EYS: variants seen among roughly 807,000 people sequenced by gnomAD.
EYS encodes the protein EGF-like photoreceptor maintenance factor.
In EYS, 250 loss-of-function variants were observed where a neutral mutation model predicts 282.1. That is an observed-to-expected ratio of 0.89 (90% CI 0.80 to 0.98). The LOEUF (loss-of-function observed/expected upper bound fraction) is 0.98, where lower values mean the gene tolerates loss of function less well. Among genes scored for constraint, EYS ranks in the 50% least tolerant of loss-of-function variants. The pLI, the probability that EYS is intolerant of heterozygous loss-of-function variation, is 0.00. For missense variants in EYS, 4,016 were observed against 3,709.0 expected (o/e 1.08, Z -2.15); for synonymous variants, 1,355 against 1,282.9 (o/e 1.06, Z -1.20).
chr6:65,005,426 C>T (rs1771612308), intron 13 of EYS, among the ~76,000 whole-genome samples: 1 of 147,586 alleles, frequency 6.8e-6, no homozygotes, highest in Non-Finnish European at 1.5e-5. Flanking sequence ...GAACACAAGG[C>T]TTGCCACCAT....
intron 26 of EYS, among the ~76,000 whole-genome samples, chr6:64,464,012 G>A (rs749519309): frequency 3.3e-5 from 5 of 152,054 alleles, no homozygotes; most frequent in Non-Finnish European, 5.9e-5. Flanking sequence ...ACAGACCAAC[G>A]TCCTTGAAAC....
intron 11 of EYS, among the ~76,000 whole-genome samples, chr6:65,299,409 C>T (rs551703158): frequency 6.6e-6 from 1 of 152,100 alleles, no homozygotes; most frequent in South Asian, 2.1e-4. Flanking sequence ...CCCCTGACCC[C>T]CCCCAAAAAA....
intron 11 of EYS, among the ~76,000 whole-genome samples, chr6:65,299,969 A>C (rs1442554740): frequency 1.1e-4 from 17 of 152,180 alleles, no homozygotes; most frequent in Admixed American, 9.2e-4. Context: ...ATAAATTAAC[A>C]TTCATTTTAT....
At chr6:65,561,611 GT>G (rs762063170) in intron 2 of EYS, among the ~76,000 whole-genome samples, 1 of 151,962 alleles carries the variant, frequency 6.6e-6, no homozygotes, top group African/African-American at 2.4e-5. Context: ...TAATGTAACA[GT>G]TTTATTTTTA....
intron 26 of EYS, among the ~76,000 whole-genome samples, chr6:64,563,779 T>C (rs914879113): frequency 6.6e-6 from 1 of 151,956 alleles, no homozygotes; most frequent in Non-Finnish European, 1.5e-5. Context: ...ATGTCAAATA[T>C]TAACTACATA....
chr6:64,731,311 CA>C (rs1771955930), intron 22 of EYS, among the ~76,000 whole-genome samples: 1 of 151,748 alleles, frequency 6.6e-6, no homozygotes, highest in Non-Finnish European at 1.5e-5. Context: ...TTCTGCACAG[CA>C]AAAAACAAAA....
chr6:64,763,687 T>C (rs1773233512), intron 22 of EYS, among the ~76,000 whole-genome samples: 1 of 152,060 alleles, frequency 6.6e-6, no homozygotes, highest in Non-Finnish European at 1.5e-5. Flanking sequence ...AACTCAAAAG[T>C]CCAAATCCAA....
At chr6:64,393,809 T>G (rs1268639279) in intron 28 of EYS, among the ~76,000 whole-genome samples, 1 of 151,932 alleles carries the variant, frequency 6.6e-6, no homozygotes, top group Non-Finnish European at 1.5e-5. Flanking sequence ...AGGAAATAAA[T>G]GGTATTCATT....
At chr6:64,613,394 A>C (rs1427559541) in intron 24 of EYS, among the ~76,000 whole-genome samples, 1 of 152,242 alleles carries the variant, frequency 6.6e-6, no homozygotes, top group Admixed American at 6.5e-5. Flanking sequence ...ATTCTAAAAC[A>C]ATCACAAAAT....
intron 30 of EYS, among the ~76,000 whole-genome samples, chr6:64,286,344 A>T (rs1048973457): frequency 2.0e-5 from 3 of 152,202 alleles, no homozygotes; most frequent in Non-Finnish European, 2.9e-5. Context: ...AATAGGCAGT[A>T]TGACACAATT....
intron 35 of EYS, among the ~76,000 whole-genome samples, chr6:63,952,335 C>T (rs1321193816): frequency 6.6e-6 from 1 of 152,214 alleles, no homozygotes; most frequent in Admixed American, 6.5e-5. Context: ...CCAAGGCCTT[C>T]TCGGCTTAGC....
chr6:63,986,352 A>G (rs1248478208), intron 34 of EYS, among the ~76,000 whole-genome samples: 3 of 151,886 alleles, frequency 2.0e-5, no homozygotes, highest in African/African-American at 7.3e-5. Context: ...GCCATTGTGG[A>G]AAGCAGTATG....
At chr6:65,507,295 C>T (rs1766694884) in intron 2 of EYS, among the ~76,000 whole-genome samples, 1 of 152,094 alleles carries the variant, frequency 6.6e-6, no homozygotes, top group Middle Eastern at 3.2e-3. Flanking sequence ...AATTCTGATC[C>T]TTGTTCCTGT....
Position 65,397,583 on chromosome 6 carries a change from GGTGTGTGTGTGTGT to G in EYS, c.1184+4881_1184+4894del, listed in dbSNP as rs58522364. ...TTTGGGTGGCTAAGTTGTATTTCAT[GGTGTGTGTGTGTGT>G]GTGTGTGTGTGTGTGTGTGTGTGTG... is the stretch of plus-strand genomic sequence containing the variant. On this transcript the variant is annotated intron_variant, in intron 7 of 42. Coordinates refer to ENST00000503581, the MANE Select transcript of EYS (RefSeq NM_001142800.2). Among the ~76,000 whole-genome samples, 287 of 138,282 alleles carry G rather than the reference GGTGTGTGTGTGTGT, an allele frequency of 2.1e-3. 2 individuals carry two copies. Among genetic ancestry groups the G allele is most frequent in the Middle Eastern group, 7.5e-3 (2 of 268 alleles). 90.7% of individuals were successfully genotyped at this position (138,282 alleles called of 152,430 possible). A position where few individuals can be genotyped will look rare whatever the true frequency, so the allele number is the denominator to read the frequency against.
At chr6:65,313,258 C>T (rs1769209099) in intron 11 of EYS, among the ~76,000 whole-genome samples, 1 of 151,864 alleles carries the variant, frequency 6.6e-6, no homozygotes, top group Admixed American at 6.6e-5. Context: ...CATCTTTTGT[C>T]ATGGCTCTAA....
chr6:64,794,492 C>G (rs553253247), intron 22 of EYS, among the ~76,000 whole-genome samples: 1 of 152,094 alleles, frequency 6.6e-6, no homozygotes, highest in East Asian at 1.9e-4. Context: ...TTCTGCCCAC[C>G]ATGTGAAGAT....
intron 22 of EYS, among the ~76,000 whole-genome samples, chr6:64,773,776 T>C (rs60584997): frequency 0.034 from 5,201 of 152,118 alleles, 297 homozygotes; most frequent in African/African-American, 0.12. Context: ...TATGTCATCT[T>C]TTGAAAAGTG....
chr6:64,618,738 C>T (rs928364655), intron 23 of EYS, among the ~76,000 whole-genome samples: 7 of 152,108 alleles, frequency 4.6e-5, no homozygotes, highest in Non-Finnish European at 5.9e-5. Context: ...TTTATCAAAT[C>T]TTCATCCAAG....
At chr6:64,287,071 C>T (rs984621664) in intron 30 of EYS, among the ~76,000 whole-genome samples, 29 of 152,170 alleles carry the variant, frequency 1.9e-4, no homozygotes, top group African/African-American at 6.3e-4. Context: ...TTTAAGATAA[C>T]TGAAATAACA....
Sources: allele counts gnomAD v4.1 joint callset (sites outside exome capture counted in the v4.1 genomes callset), GRCh38; gene constraint gnomAD v4.1.1; transcripts MANE v1.5; gene names NCBI Gene and HGNC (gene_info 2026-07-23, HGNC 2026-07-21).